BLTP1: variants seen among roughly 807,000 people sequenced by gnomAD.
BLTP1 encodes fragile site-associated protein.
the BLTP1 span, among the ~76,000 whole-genome samples, chr4:122,297,017 T>C: frequency 1.3e-5 from 2 of 152,076 alleles, no homozygotes; most frequent in Non-Finnish European, 1.5e-5. Context: ...CCAGCAAAGA[T>C]TTCATGATGC....
At chr4:122,229,876 C>G in the BLTP1 span, 1 of 1,528,272 alleles carries the variant, frequency 6.5e-7, no homozygotes, top group Non-Finnish European at 8.8e-7. Flanking sequence ...TTTGGCTAAG[C>G]TACTTAAAAA....
the BLTP1 span, chr4:122,276,173 C>T: frequency 1.6e-6 from 1 of 625,368 alleles, no homozygotes; most frequent in Non-Finnish European, 2.3e-6. Context: ...TTAAAGCTTA[C>T]TGGTAATCAA....
At chr4:122,211,182 C>A in the BLTP1 span, 1 of 1,172,038 alleles carries the variant, frequency 8.5e-7, no homozygotes, top group Non-Finnish European at 1.2e-6. Context: ...TTTGAAATAG[C>A]CAGTTGGATT....
At chr4:122,166,555 A>G in the BLTP1 span, among the ~76,000 whole-genome samples, 1 of 152,120 alleles carries the variant, frequency 6.6e-6, no homozygotes, top group Non-Finnish European at 1.5e-5. Flanking sequence ...TTGGCAATGC[A>G]GGCTCTTTTT....
At chr4:122,213,367 A>G in the BLTP1 span, among the ~76,000 whole-genome samples, 1 of 152,008 alleles carries the variant, frequency 6.6e-6, no homozygotes, top group African/African-American at 2.4e-5. Context: ...TATAATGTGT[A>G]TTTTACTTGG....
chr4:122,330,242 C>T, the BLTP1 span, among the ~76,000 whole-genome samples: 1 of 151,604 alleles, frequency 6.6e-6, no homozygotes, highest in African/African-American at 2.4e-5. Flanking sequence ...GGATAAATAC[C>T]CAGAAGTGGG....
chr4:122,152,533 G>A, the BLTP1 span: 4 of 985,884 alleles, frequency 4.1e-6, no homozygotes, highest in Non-Finnish European at 4.8e-6. Context: ...GGCCCTCGGC[G>A]TTCCCCGGAG....
At chr4:122,246,605 T>G in the BLTP1 span, 1 of 1,508,324 alleles carries the variant, frequency 6.6e-7, no homozygotes, top group Non-Finnish European at 9.0e-7. Context: ...TTAACAGTAG[T>G]TTTTCATTTT....
At chr4:122,166,906 T>C in the BLTP1 span, among the ~76,000 whole-genome samples, 1 of 152,210 alleles carries the variant, frequency 6.6e-6, no homozygotes, top group Non-Finnish European at 1.5e-5. Flanking sequence ...GTCCCAGGTT[T>C]TTCCAGCGGG....
chr4:122,193,102 C>T, the BLTP1 span, among the ~76,000 whole-genome samples: 111 of 152,180 alleles, frequency 7.3e-4, 3 homozygotes, highest in East Asian at 0.017. Flanking sequence ...TCATACTATC[C>T]AGTCATATTG....
chr4:122,258,486 G>A, the BLTP1 span: 3 of 180,528 alleles, frequency 1.7e-5, no homozygotes, highest in East Asian at 1.9e-4. Context: ...CTTTTGGTCC[G>A]AGTATCATTT....
At chr4:122,253,069 G>T in the BLTP1 span, among the ~76,000 whole-genome samples, 1 of 152,208 alleles carries the variant, frequency 6.6e-6, no homozygotes, top group African/African-American at 2.4e-5. Context: ...TCTATAAGTT[G>T]CAAGAACAGT....
the BLTP1 span, among the ~76,000 whole-genome samples, chr4:122,243,265 G>A: frequency 3.9e-5 from 6 of 152,294 alleles, no homozygotes; most frequent in East Asian, 9.6e-4. Context: ...TAAACATGCT[G>A]TAACTTGGCA....
At chr4:122,328,228 C>T in the BLTP1 span, 24 of 1,611,186 alleles carry the variant, frequency 1.5e-5, no homozygotes, top group African/African-American at 3.1e-4. Context: ...GGCTTTTCAC[C>T]AGGCATTCCT....
the BLTP1 span, chr4:122,362,172 A>G: frequency 6.2e-7 from 1 of 1,613,502 alleles, no homozygotes; most frequent in Non-Finnish European, 8.5e-7. Flanking sequence ...AGGTTCTGTC[A>G]GTTCTTATCA....
chr4:122,286,519 T>G, the BLTP1 span: 1 of 1,613,518 alleles, frequency 6.2e-7, no homozygotes, highest in Non-Finnish European at 8.5e-7. Context: ...GCACAAACAA[T>G]AACTTTTCTC....
At chr4:122,349,708 G>A in the BLTP1 span, 4 of 1,536,912 alleles carry the variant, frequency 2.6e-6, no homozygotes, top group Admixed American at 6.2e-5. This position sits in a 1 kb window ranked among gnomAD's most constrained non-coding sequence, Gnocchi z 4.5. Flanking sequence ...TCTATCATCT[G>A]GTGAGAAAAC....
the BLTP1 span, among the ~76,000 whole-genome samples, chr4:122,281,031 C>A: frequency 4.1e-3 from 626 of 152,272 alleles, 3 homozygotes; most frequent in African/African-American, 0.014. Flanking sequence ...AGCACTCTAG[C>A]TATGCTTCCT....
chr4:122,170,913 T>C, the BLTP1 span, among the ~76,000 whole-genome samples: 103 of 152,290 alleles, frequency 6.8e-4, no homozygotes, highest in African/African-American at 2.2e-3. Flanking sequence ...TGGAAACTGC[T>C]CTGAAATGCT....
Sources: allele counts gnomAD v4.1 joint callset (sites outside exome capture counted in the v4.1 genomes callset), GRCh38; gene constraint gnomAD v4.1.1; non-coding constraint Gnocchi (gnomAD v3.1); transcripts MANE v1.5; gene names NCBI Gene and HGNC (gene_info 2026-07-23, HGNC 2026-07-21).